The following ANTXR2 variants were observed in gnomAD, a reference collection of about 807,000 sequenced individuals.
ANTXR2 encodes ANTXR cell adhesion molecule 2.
A neutral mutation model predicts 73.7 loss-of-function variants in ANTXR2; 44 were observed. The ratio of observed to expected loss-of-function variants is 0.60; its 90% CI spans 0.47 to 0.77. The LOEUF (loss-of-function observed/expected upper bound fraction) is 0.77, where lower values mean the gene tolerates loss of function less well. ANTXR2 is among the 30% of genes least tolerant of loss of function. The probability of loss-of-function intolerance (pLI) is 0.00; values close to 1 mark genes in which losing one functional copy is unlikely to be tolerated. For synonymous variants in ANTXR2, 217 were observed against 205.9 expected, an observed-to-expected ratio of 1.05 and a Z score of -0.46; for missense variants, 604 against 592.5, an observed-to-expected ratio of 1.02 and a Z score of -0.20.
intron 16 of ANTXR2, among the ~76,000 whole-genome samples, chr4:79,962,033 T>C (rs4515109): frequency 0.094 from 14,288 of 152,166 alleles, 2,189 homozygotes; most frequent in African/African-American, 0.32. Flanking sequence ...TTTTTGGTAA[T>C]TTAAATGATT....
At chr4:80,018,753 C>A (rs999247807) in intron 11 of ANTXR2, 145 bp downstream of exon 11, 33 of 646,910 alleles carry the variant, frequency 5.1e-5, no homozygotes, top group Non-Finnish European at 1.8e-5. Flanking sequence ...AAAACGAATT[C>A]TATACAAAAT....
Position 80,067,959 on chromosome 4 carries a change from T to C in ANTXR2, c.296+1477A>G, listed in dbSNP as rs113862540. 6.0e-3 allele frequency among the ~76,000 whole-genome samples: 913 copies of C among 152,284 alleles called. 9 individuals are homozygous for C. The highest frequency in any genetic ancestry group is 0.021 in the African/African-American group (858 of 41,552). On this transcript the variant is annotated intron_variant, in intron 3 of 16. Coordinates refer to ENST00000403729, the MANE Select transcript of ANTXR2 (RefSeq NM_058172.6). ...ACCTATGTAACAAACCTGCATGCCC[T>C]GCACATGTATCCCAGAACTTAAAAT...
chr4:79,977,810 C>A, intron 15 of ANTXR2, 109 bp from the exon 16 acceptor site: 1 of 1,283,648 alleles, frequency 7.8e-7, no homozygotes, highest in Non-Finnish European at 1.1e-6. Context: ...ACCCTCATTT[C>A]TTTCATAAGG....
intron 16 of ANTXR2, among the ~76,000 whole-genome samples, chr4:79,947,252 T>C (rs1185762792): frequency 6.6e-6 from 1 of 152,118 alleles, no homozygotes; most frequent in Non-Finnish European, 1.5e-5. Flanking sequence ...AAGCAAAATA[T>C]GAAATTGAAA....
At chr4:79,984,916 A>G in intron 12 of ANTXR2, 53 bp from the exon 13 acceptor site, 2 of 1,375,520 alleles carry the variant, frequency 1.5e-6, no homozygotes, top group South Asian at 2.6e-5. Context: ...AGGAGATAGT[A>G]AGGATGTGTA....
At chr4:80,030,165 A>T (rs1472445191) in intron 10 of ANTXR2, among the ~76,000 whole-genome samples, 5 of 152,018 alleles carry the variant, frequency 3.3e-5, no homozygotes, top group Admixed American at 3.3e-4. Context: ...ATAAATTTTG[A>T]AATTAGAGCT....
intron 3 of ANTXR2, among the ~76,000 whole-genome samples, chr4:80,061,317 G>C (rs954060031): frequency 2.2e-5 from 3 of 137,728 alleles, no homozygotes; most frequent in Non-Finnish European, 4.8e-5. Context: ...TGTATTCTAT[G>C]CTTCATTGGA....
rs1205422681 is a variant in ANTXR2 at position 79,902,520 on chromosome 4, G to A, written c.*4909C>T. On this transcript the variant is annotated 3_prime_UTR_variant, in exon 17 of 17. Transcript: ENST00000403729. ...GCATAAATATCTCCTAACAATCTCTGTGCTTCTTTATATATGTTTTTAAGA... is the reference window on the plus strand; with the variant it reads ...GCATAAATATCTCCTAACAATCTCTATGCTTCTTTATATATGTTTTTAAGA... 6.6e-6 allele frequency: 1 copy of A among 152,054 alleles called. No homozygotes were observed. The highest frequency in any genetic ancestry group is 1.5e-5 in the Non-Finnish European group (1 of 68,018). The allele number at this position is 152,054 out of a possible 1,614,324, so 9.4% of individuals were successfully genotyped here.
intron 16 of ANTXR2, among the ~76,000 whole-genome samples, chr4:79,916,221 C>G (rs1228190389): frequency 6.6e-6 from 1 of 151,922 alleles, no homozygotes; most frequent in African/African-American, 2.4e-5. Context: ...AATGGTACAC[C>G]TAAACCACAC....
chr4:79,923,596 A>T (rs1727671081), intron 16 of ANTXR2, among the ~76,000 whole-genome samples: 1 of 152,098 alleles, frequency 6.6e-6, no homozygotes, highest in African/African-American at 2.4e-5. Flanking sequence ...GACAGAAAAG[A>T]TGGGGATGAA....
At chr4:79,946,739 A>G (rs968264830) in intron 16 of ANTXR2, among the ~76,000 whole-genome samples, 1 of 152,210 alleles carries the variant, frequency 6.6e-6, no homozygotes, top group Non-Finnish European at 1.5e-5. Context: ...ATACATTTAT[A>G]AGAAAAACAC....
intron 16 of ANTXR2, among the ~76,000 whole-genome samples, chr4:79,908,062 AT>A (rs1334354772): frequency 6.6e-6 from 1 of 152,216 alleles, no homozygotes; most frequent in East Asian, 1.9e-4. Context: ...AGGATTTGCC[AT>A]TCTAATTTCT....
intron 7 of ANTXR2, among the ~76,000 whole-genome samples, chr4:80,045,118 C>A (rs1362055816): frequency 6.6e-6 from 1 of 151,354 alleles, no homozygotes; most frequent in African/African-American, 2.4e-5. Flanking sequence ...CATATTGGAC[C>A]AGATGCAAAA....
chr4:80,014,659 A>C (rs892048523), intron 11 of ANTXR2, among the ~76,000 whole-genome samples: 1 of 152,178 alleles, frequency 6.6e-6, no homozygotes, highest in African/African-American at 2.4e-5. Flanking sequence ...TTTAACTCTC[A>C]GCAGTTTTAC....
chr4:79,936,683 A>C (rs1728274481), intron 16 of ANTXR2, among the ~76,000 whole-genome samples: 1 of 152,224 alleles, frequency 6.6e-6, no homozygotes. Flanking sequence ...AAAGGGAAGA[A>C]GAAAAGACTA....
At chr4:80,030,401 C>T (rs558750236) in intron 10 of ANTXR2, among the ~76,000 whole-genome samples, 8 of 152,160 alleles carry the variant, frequency 5.3e-5, no homozygotes, top group African/African-American at 9.6e-5. Context: ...AATACAGACA[C>T]GATTATTCAG....
rs184448412 is a variant in ANTXR2, at chr4:79,960,251, T to C, written c.1428+17370A>G. On this transcript the variant is annotated intron_variant, in intron 16 of 16. Transcript: ENST00000403729. The stretch of plus-strand genomic sequence containing the variant: ...AACAAAAGTGCTTGATTTAAAAAAA[T>C]TAGAAAACTCTAATATGATTCAAAA... Among the ~76,000 whole-genome samples, 168 of 152,246 alleles carry C rather than the reference T, an allele frequency of 1.1e-3. 1 individual carries two copies. Among genetic ancestry groups the C allele is most frequent in the Non-Finnish European group, 2.2e-3 (149 of 67,988 alleles).
At chr4:80,038,780 G>C (rs562652607) in intron 7 of ANTXR2, among the ~76,000 whole-genome samples, 3 of 151,878 alleles carry the variant, frequency 2.0e-5, no homozygotes, top group Admixed American at 6.6e-5. Flanking sequence ...CATAACATTG[G>C]TATCACAATC....
chr4:79,973,322 GGTTCAGGTTTATAT>G (rs1297985164), intron 16 of ANTXR2, among the ~76,000 whole-genome samples: 3 of 107,390 alleles, frequency 2.8e-5, no homozygotes, highest in African/African-American at 9.4e-5. Flanking sequence ...GAAAAATGTA[GGTTCAGGTTTATAT>G]GTGTGTGGGA....
Sources: gnomAD v4.1 joint callset for allele counts (sites outside exome capture counted in the v4.1 genomes callset) on GRCh38, gnomAD v4.1.1 for gene constraint, MANE v1.5 for transcripts, NCBI Gene and HGNC (gene_info 2026-07-23, HGNC 2026-07-21) for gene names.